LINC00632: variants seen among roughly 807,000 people sequenced by gnomAD.
LINC00632 encodes long independently transcribed non-coding RNA 632.
chrX:140,737,568 A>T, intron 3 of LINC00632, among the ~76,000 whole-genome samples: 1 of 111,457 alleles, frequency 9.0e-6, no homozygotes, highest in Non-Finnish European at 1.9e-5. Context: ...TATTCCTTCT[A>T]TTTAACTGTG....
intron 3 of LINC00632, among the ~76,000 whole-genome samples, chrX:140,734,853 C>T (rs1283547473): frequency 6.6e-5 from 7 of 106,122 alleles, no homozygotes; most frequent in African/African-American, 2.4e-4. Flanking sequence ...CCGCCACCTT[C>T]CAGGTTCAAG....
intron 3 of LINC00632, among the ~76,000 whole-genome samples, chrX:140,740,620 A>C (rs1931210288): frequency 9.0e-6 from 1 of 110,827 alleles, no homozygotes; most frequent in Non-Finnish European, 1.9e-5. Flanking sequence ...GAAACCTTAC[A>C]TTAAGACTTA....
At chrX:140,729,760 A>G (rs1180029614) in intron 2 of LINC00632, among the ~76,000 whole-genome samples, 7 of 111,553 alleles carry the variant, frequency 6.3e-5, no homozygotes, top group African/African-American at 2.3e-4. Flanking sequence ...CTATGGTAAA[A>G]AGGAATTTGA....
At chrX:140,738,059 C>A (rs1193783798) in intron 3 of LINC00632, among the ~76,000 whole-genome samples, 6 of 111,882 alleles carry the variant, frequency 5.4e-5, no homozygotes, top group Non-Finnish European at 1.1e-4. Context: ...AGAATACAGT[C>A]CAATTGTGTT....
intron 3 of LINC00632, among the ~76,000 whole-genome samples, chrX:140,762,892 C>A (rs938847200): frequency 8.9e-6 from 1 of 111,925 alleles, no homozygotes; most frequent in Non-Finnish European, 1.9e-5. Context: ...ATTTGACTGG[C>A]AAGCAGTAGT....
exon 5 of LINC00632, among the ~76,000 whole-genome samples, chrX:140,775,818 T>C (rs1456731064): frequency 1.1e-5 from 1 of 90,861 alleles, no homozygotes; most frequent in East Asian, 3.4e-4. Flanking sequence ...TTTGGTTTTG[T>C]AGGAAGCAGG....
chrX:140,762,236 A>AGG (rs1350009337), intron 3 of LINC00632, among the ~76,000 whole-genome samples: 2,827 of 59,792 alleles, frequency 0.047, 107 homozygotes, highest in African/African-American at 0.11. Context: ...AGAGAGAGAG[A>AGG]GAGAGAGCAC....
exon 5 of LINC00632, among the ~76,000 whole-genome samples, chrX:140,788,781 A>G (rs1009771374): frequency 1.9e-5 from 2 of 104,990 alleles, no homozygotes; most frequent in Non-Finnish European, 3.9e-5. Flanking sequence ...ATATGTGTAT[A>G]TATGTATATT....
chrX:140,747,997 T>C (rs1931354192), intron 3 of LINC00632, among the ~76,000 whole-genome samples: 1 of 111,472 alleles, frequency 9.0e-6, no homozygotes, highest in Non-Finnish European at 1.9e-5. Flanking sequence ...CCAGCTAATT[T>C]TTGTATTTTT....
chrX:140,728,343 A>G (rs1217744865), intron 2 of LINC00632, among the ~76,000 whole-genome samples: 5 of 111,492 alleles, frequency 4.5e-5, no homozygotes. Context: ...CATGTACCCT[A>G]TGACAGAAAG....
chrX:140,758,719 A>G (rs1345067520), intron 3 of LINC00632, among the ~76,000 whole-genome samples: 1 of 110,951 alleles, frequency 9.0e-6, no homozygotes, highest in Non-Finnish European at 1.9e-5. Flanking sequence ...CCTTTGTTCT[A>G]TTCTCTTGGA....
At chrX:140,730,357 C>T (rs1319939531) in intron 2 of LINC00632, among the ~76,000 whole-genome samples, 1 of 110,641 alleles carries the variant, frequency 9.0e-6, no homozygotes, top group Admixed American at 9.7e-5. Context: ...AAACATAAAG[C>T]TCATTATTCC....
exon 4 of LINC00632, among the ~76,000 whole-genome samples, chrX:140,774,096 T>G (rs1186019753): frequency 8.9e-6 from 1 of 112,002 alleles, no homozygotes. Context: ...AGACATTGAG[T>G]TAAGTGACAT....
intron 2 of LINC00632, among the ~76,000 whole-genome samples, chrX:140,720,097 A>C (rs1164739549): frequency 9.1e-6 from 1 of 109,510 alleles, no homozygotes; most frequent in African/African-American, 3.3e-5. Flanking sequence ...AAAAAAAAAA[A>C]AAAAAACTCA....
chrX:140,790,677 A>C (rs1286700245), exon 5 of LINC00632, among the ~76,000 whole-genome samples: 1 of 111,242 alleles, frequency 9.0e-6, no homozygotes, highest in African/African-American at 3.3e-5. Context: ...TCTAGTAACG[A>C]GGGATCTGTC....
At chrX:140,743,810 T>C (rs952253685) in intron 3 of LINC00632, among the ~76,000 whole-genome samples, 1 of 111,328 alleles carries the variant, frequency 9.0e-6, no homozygotes, top group Non-Finnish European at 1.9e-5. Context: ...GTCGAGAGGC[T>C]TTCCCTCCAC....
chrX:140,715,365 C>T (rs1001020782), intron 2 of LINC00632, among the ~76,000 whole-genome samples: 5 of 111,375 alleles, frequency 4.5e-5, no homozygotes, highest in East Asian at 2.8e-4. Flanking sequence ...GAGTCCGAGG[C>T]GGGCGGATCA....
chrX:140,773,324 C>T (rs917223889), exon 4 of LINC00632, among the ~76,000 whole-genome samples: 25 of 112,126 alleles, frequency 2.2e-4, no homozygotes, highest in African/African-American at 7.5e-4. Flanking sequence ...CTGAAGAAGA[C>T]GATTGAGGAC....
chrX:140,781,763 A>G (rs966574739), exon 5 of LINC00632, among the ~76,000 whole-genome samples: 1 of 111,838 alleles, frequency 8.9e-6, no homozygotes. Flanking sequence ...ATGCAGCCCA[A>G]CCATTTTTTT....
Sources: gnomAD v4.1 joint callset for allele counts (sites outside exome capture counted in the v4.1 genomes callset) on GRCh38, gnomAD v4.1.1 for gene constraint, MANE v1.5 for transcripts, NCBI Gene and HGNC (gene_info 2026-07-23, HGNC 2026-07-21) for gene names.